Variants in NFE2 observed in about 807,000 individuals in gnomAD.
NFE2 encodes the protein transcription factor NF-E2 45 kDa subunit.
NFE2 carries 13 observed loss-of-function variants against 25.8 expected under a neutral mutation model. The ratio of observed to expected loss-of-function variants is 0.50; its 90% CI spans 0.33 to 0.80. The LOEUF (loss-of-function observed/expected upper bound fraction) is 0.80, where lower values mean the gene tolerates loss of function less well. NFE2 is among the 30% of genes least tolerant of loss of function. The pLI, the probability that NFE2 is intolerant of heterozygous loss-of-function variation, is 0.02. For missense variants in NFE2, 382 were observed against 478.9 expected, an observed-to-expected ratio of 0.80 and a Z score of 1.89; for synonymous variants, 204 against 200.2, an observed-to-expected ratio of 1.02 and a Z score of -0.16.
chr12:54,292,221 G>C lies in NFE2; in HGVS notation c.*153C>G, dbSNP rs1944322894. 3 of 789,764 alleles carry C rather than the reference G, an allele frequency of 3.8e-6. No individual in the cohort carries two copies. The highest frequency in any genetic ancestry group is 5.9e-6 in the Non-Finnish European group (3 of 508,284). 48.9% of individuals were successfully genotyped at this position (789,764 alleles called of 1,614,324 possible). A position where few individuals can be genotyped will look rare whatever the true frequency, so the allele number is the denominator to read the frequency against. On this transcript the variant is annotated 3_prime_UTR_variant, in exon 3 of 3. Coordinates refer to ENST00000435572, the MANE Select transcript of NFE2 (RefSeq NM_001136023.3). Reference sequence around the variant, plus strand: ...GCCCTCCCTCAAGGCAAGCCTCTTTGAACACACCTTGGAACTTCCAAACAC... The same window carrying C: ...GCCCTCCCTCAAGGCAAGCCTCTTTCAACACACCTTGGAACTTCCAAACAC...
chr12:54,300,618 T>C (rs995198869), intron 1 of NFE2, among the ~76,000 whole-genome samples, 183 bp downstream of exon 1: 3 of 152,042 alleles, frequency 2.0e-5, no homozygotes, highest in African/African-American at 7.2e-5. Flanking sequence ...ACCACTTAGG[T>C]CTTCTCCTAG....
chr12:54,299,215 T>G (rs956869634), intron 1 of NFE2, among the ~76,000 whole-genome samples: 1 of 152,100 alleles, frequency 6.6e-6, no homozygotes, highest in African/African-American at 2.4e-5. Context: ...CAAGGATGGA[T>G]GGTGTTCTAT....
In NFE2 at chr12:54,292,857, C is replaced by T. The variant is rs1336872125; in HGVS notation, c.639G>A (p.Arg213=). 7 of 1,614,132 alleles carry T rather than the reference C, an allele frequency of 4.3e-6. No homozygotes were observed. The highest frequency in any genetic ancestry group is 5.1e-6 in the Non-Finnish European group (6 of 1,179,976). Residue 213 remains arginine, a synonymous_variant, in exon 3 of 3, where the codon CGG becomes CGA. Transcript: ENST00000435572. ...CCTCCCCCCGTGCAGTGGGCTTAGC[C>T]CGCACAGGGCCTGAGGAGGGCTCTA... ...LALEPSSGPV[R]AKPTARGEAG...
At position 54,292,483 on chromosome 12, in the gene NFE2, C is replaced by T; in HGVS notation, c.1013G>A (p.Arg338Gln). 1 of 1,614,164 alleles carries T rather than the reference C, an allele frequency of 6.2e-7. No individual in the cohort carries two copies. Among genetic ancestry groups the T allele is most frequent in the Non-Finnish European group, 8.5e-7 (1 of 1,180,042 alleles). ...AGAGTAGCTGTTGCCTGATTCATCC[C>T]GAAGGTGCTGGAAAATGTCACGGTA... ...ELYRDIFQHLRDESGNSYSPE... is the reference protein window; with the variant it reads ...ELYRDIFQHLQDESGNSYSPE... Residue 338 changes from arginine (R) to glutamine (Q), a missense_variant, in exon 3 of 3, where the codon CGG (arginine) becomes CAG (glutamine). Coordinates refer to ENST00000435572, the MANE Select transcript of NFE2 (RefSeq NM_001136023.3).
chr12:54,297,415 G>A (rs1320548607), intron 1 of NFE2, among the ~76,000 whole-genome samples: 1 of 146,828 alleles, frequency 6.8e-6, no homozygotes, highest in African/African-American at 2.5e-5. Context: ...TGTAATCCTA[G>A]GACTTTGGGA....
At chr12:54,298,647 A>G (rs1006477281) in intron 1 of NFE2, among the ~76,000 whole-genome samples, 1 of 152,158 alleles carries the variant, frequency 6.6e-6, no homozygotes, top group African/African-American at 2.4e-5. Context: ...GGGAGTCACA[A>G]ACTTCATTGT....
At chr12:54,300,592 C>A (rs138696409) in intron 1 of NFE2, among the ~76,000 whole-genome samples, 194 of 152,232 alleles carry the variant, frequency 1.3e-3, no homozygotes, top group African/African-American at 4.6e-3. Context: ...CCCAAGGATC[C>A]CAGAGCACCC....
In NFE2 at chr12:54,292,228, C is replaced by A; in HGVS notation, c.*146G>T. Reference sequence around the variant, plus strand: ...CTCAAGGCAAGCCTCTTTGAACACACCTTGGAACTTCCAAACACTTGTTGC... The same window carrying A: ...CTCAAGGCAAGCCTCTTTGAACACAACTTGGAACTTCCAAACACTTGTTGC... On this transcript the variant is annotated 3_prime_UTR_variant, in exon 3 of 3. Coordinates refer to ENST00000435572, the MANE Select transcript of NFE2 (RefSeq NM_001136023.3). 1 of 837,286 alleles carries A rather than the reference C, an allele frequency of 1.2e-6. No individual in the cohort carries two copies. The highest frequency in any genetic ancestry group is 1.8e-5 in the South Asian group (1 of 55,598). 51.9% of individuals were successfully genotyped at this position (837,286 alleles called of 1,614,324 possible).
At chr12:54,297,027 A>G (rs1005972169) in intron 1 of NFE2, among the ~76,000 whole-genome samples, 1 of 152,078 alleles carries the variant, frequency 6.6e-6, no homozygotes, top group African/African-American at 2.4e-5. Context: ...CATTGTGTCT[A>G]TGTGCACGCA....
intron 1 of NFE2, among the ~76,000 whole-genome samples, chr12:54,298,507 C>CAAAAAAA (rs1180692795): frequency 1.4e-4 from 5 of 35,586 alleles, no homozygotes; most frequent in African/African-American, 2.1e-4. Context: ...AACTCCACAT[C>CAAAAAAA]AAAAAAAAAA....
In NFE2 at chr12:54,293,342, C is replaced by A; in HGVS notation, c.154G>T (p.Ala52Ser). 5 of 1,557,816 alleles carry A rather than the reference C, an allele frequency of 3.2e-6. No homozygotes were observed. The highest frequency in any genetic ancestry group is 3.5e-6 in the Non-Finnish European group (4 of 1,148,652). Residue 52 changes from alanine (A) to serine (S), a missense_variant, in exon 3 of 3, where the codon GCC becomes TCC. Physicochemically the swap from Ala to Ser is moderately conservative, Grantham distance 99 (BLOSUM62 1). Coordinates refer to ENST00000435572, the MANE Select transcript of NFE2 (RefSeq NM_001136023.3). ...GGAGGTCCAAGGTATGGAGCTGGGG[C>A]TTGGGGCTCAAATGATGGCTCACTT... is the stretch of plus-strand genomic sequence containing the variant. ...APSEPSFEPQ[A>S]PAPYLGPPPP...
chr12:54,295,126 C>T lies in NFE2; in HGVS notation c.114+9G>A, dbSNP rs1565886731. Reference sequence around the variant, plus strand: ...CACGGCCTCCCCTGCCCTATCCCCCCTTACTCACCTGCAGCTCGGTGATGG... The same window carrying T: ...CACGGCCTCCCCTGCCCTATCCCCCTTTACTCACCTGCAGCTCGGTGATGG... On this transcript the variant is annotated intron_variant, in intron 2 of 2. Coordinates refer to ENST00000435572, the MANE Select transcript of NFE2 (RefSeq NM_001136023.3). 6.2e-7 allele frequency: 1 copy of T among 1,611,262 alleles called. No individual in the cohort carries two copies. The highest frequency in any genetic ancestry group is 1.7e-5 in the Admixed American group (1 of 59,964).
At chr12:54,295,385 C>T in intron 1 of NFE2, 81 bp from the exon 2 acceptor site, 1 of 632,492 alleles carries the variant, frequency 1.6e-6, no homozygotes, top group Non-Finnish European at 2.8e-6. Context: ...GGGGCTCCCT[C>T]CAGCTTCCCC....
chr12:54,295,455 T>TA, intron 1 of NFE2, 151 bp from the exon 2 acceptor site: 1 of 528,930 alleles, frequency 1.9e-6, no homozygotes, highest in Non-Finnish European at 3.4e-6. Context: ...ATCAATCCCT[T>TA]AAGATGGAAA....
At chr12:54,293,712 G>A (rs1944342755) in intron 2 of NFE2, among the ~76,000 whole-genome samples, 1 of 152,186 alleles carries the variant, frequency 6.6e-6, no homozygotes, top group South Asian at 2.1e-4. Context: ...AGCTGGGCAT[G>A]GTGGTGAATG....
chr12:54,293,470 TC>T (rs1399187500), intron 2 of NFE2, 89 bp from the exon 3 acceptor site: 3 of 1,348,130 alleles, frequency 2.2e-6, no homozygotes, highest in Admixed American at 2.7e-5. Context: ...CTTCTGAAAG[TC>T]GCAGTGAGGT....
In NFE2 at chr12:54,292,599, C is replaced by T. The variant is rs1210646326; in HGVS notation, c.897G>A (p.Glu299=). The change falls in exon 3 of 3, where the codon GAG becomes GAA. Residue 299 remains glutamate, a synonymous_variant. Coordinates refer to ENST00000435572, the MANE Select transcript of NFE2 (RefSeq NM_001136023.3). ...GCCGCTCCCGTTCATTGGTCAGCCG[C>T]TCCAGCTCCCGCTCCAGCTGCACAA... The part of the protein sequence containing the change: ...ETIVQLEREL[E]RLTNERERLL... 1 of 1,614,090 alleles carries T rather than the reference C, an allele frequency of 6.2e-7. No homozygotes were observed. Among genetic ancestry groups the T allele is most frequent in the African/African-American group, 1.3e-5 (1 of 74,944 alleles).
intron 1 of NFE2, chr12:54,300,261 C>G (rs546485436): frequency 9.8e-5 from 15 of 152,354 alleles, no homozygotes; most frequent in African/African-American, 3.6e-4. Flanking sequence ...CCAGGTCCAG[C>G]TGATCTCTAC....
Position 54,300,974 on chromosome 12 carries a change from C to A in NFE2, c.-230G>T, listed in dbSNP as rs940238608. ...TGAGCGCTGAGTGTGGAAGCTCAGGCTGAGCTGAGCACAGGAGCCCCAAGC... is the reference window on the plus strand; with the variant it reads ...TGAGCGCTGAGTGTGGAAGCTCAGGATGAGCTGAGCACAGGAGCCCCAAGC... On this transcript the variant is annotated 5_prime_UTR_variant, in exon 1 of 3. Transcript: ENST00000435572. 2 of 152,324 alleles carry A rather than the reference C, an allele frequency of 1.3e-5. No homozygotes were observed. The highest frequency in any genetic ancestry group is 2.4e-5 in the African/African-American group (1 of 41,476). The allele number at this position is 152,324 out of a possible 1,614,324, so 9.4% of individuals were successfully genotyped here. A position where few individuals can be genotyped will look rare whatever the true frequency, so the allele number is the denominator to read the frequency against.
Sources: allele counts gnomAD v4.1 joint callset (sites outside exome capture counted in the v4.1 genomes callset), GRCh38; gene constraint gnomAD v4.1.1; transcripts MANE v1.5; gene names NCBI Gene and HGNC (gene_info 2026-07-23, HGNC 2026-07-21).